The following ABR variants were observed in gnomAD, a reference collection of about 807,000 sequenced individuals.
ABR encodes active breakpoint cluster region-related protein.
ABR carries 35 observed loss-of-function variants against 107.2 expected under a neutral mutation model. That is an observed-to-expected ratio of 0.33 (90% CI 0.25 to 0.43). The LOEUF (loss-of-function observed/expected upper bound fraction) is 0.43. ABR is among the 20% of genes least tolerant of loss of function. The pLI, the probability that ABR is intolerant of heterozygous loss-of-function variation, is 1.00. For missense variants in ABR, 815 were observed against 1,115.2 expected, an observed-to-expected ratio of 0.73 and a Z score of 3.83; for synonymous variants, 498 against 462.0, an observed-to-expected ratio of 1.08 and a Z score of -1.00.
In ABR at chr17:1,150,107, C is replaced by T. The variant is rs995122246; in HGVS notation, c.62-24740G>A. On this transcript the variant is annotated intron_variant, in intron 1 of 22. Coordinates refer to ENST00000302538, the MANE Select transcript of ABR (RefSeq NM_021962.5). The surrounding 1 kb of genome is among the most constrained non-coding windows in gnomAD (Gnocchi z 4.8). ...CATAGTCCCGGCCTGGGAGAGACAC[C>T]GAGAGGAAGGCCAGCTTGCCCGGTG... 2.6e-5 allele frequency among the ~76,000 whole-genome samples: 4 copies of T among 151,880 alleles called. No homozygotes were observed. The highest frequency in any genetic ancestry group is 1.9e-4 in the East Asian group (1 of 5,170).
intron 16 of ABR, among the ~76,000 whole-genome samples, chr17:1,014,408 T>C (rs1231715268): frequency 1.4e-5 from 2 of 147,686 alleles, no homozygotes; most frequent in Non-Finnish European, 3.0e-5. Context: ...GCCACTGCAC[T>C]CCAGCCTGGG....
At position 1,010,871 on chromosome 17, in the gene ABR, G is replaced by A. The variant is rs1200505336; in HGVS notation, c.2102-8C>T. 5 of 1,613,194 alleles carry A rather than the reference G, an allele frequency of 3.1e-6. No individual in the cohort carries two copies. The highest frequency in any genetic ancestry group is 4.2e-6 in the Non-Finnish European group (5 of 1,179,978). ...GCAGGATGTCCTTGTTATCTGCAGG[G>A]GTGGGGCCGAGGTCAGGCAGCCTTA... On this transcript the variant is annotated splice_polypyrimidine_tract_variant and splice_region_variant and intron_variant, in intron 19 of 22. Coordinates refer to ENST00000302538, the MANE Select transcript of ABR (RefSeq NM_021962.5). The surrounding 1 kb of genome is among the most constrained non-coding windows in gnomAD (Gnocchi z 4.1).
chr17:1,142,054 G>A (rs1314614373), intron 1 of ABR, among the ~76,000 whole-genome samples: 2 of 151,542 alleles, frequency 1.3e-5, no homozygotes, highest in East Asian at 4.0e-4. Flanking sequence ...CACTGCGCCC[G>A]GCCAGTTCAT....
intron 4 of ABR, among the ~76,000 whole-genome samples, chr17:1,089,539 GA>G (rs2036876005): frequency 2.0e-5 from 3 of 152,198 alleles, no homozygotes; most frequent in Non-Finnish European, 4.4e-5. Flanking sequence ...TCTCAGGACA[GA>G]AATCTCAGGC....
chr17:1,067,985 T>G (rs2034893780), intron 9 of ABR, among the ~76,000 whole-genome samples: 1 of 152,016 alleles, frequency 6.6e-6, no homozygotes, highest in African/African-American at 2.4e-5. Flanking sequence ...CAGGCTGGAG[T>G]GCAATGGCGC....
intron 16 of ABR, chr17:1,031,915 CCTCCCT>C: frequency 1.2e-6 from 1 of 807,062 alleles, no homozygotes. Context: ...CCTCCTCCCT[CCTCCCT>C]CCTCCGCATC....
chr17:1,204,895 C>CTTTTTTTTTTTTTTTTTTTTTT lies in ABR; in HGVS notation c.838+23897_838+23898insAAAAAAAAAAAAAAAAAAAAAA, dbSNP rs1279205764. 5.7e-5 allele frequency among the ~76,000 whole-genome samples: 4 copies of CTTTTTTTTTTTTTTTTTTTTTT among 70,320 alleles called. 1 individual carries two copies. Among genetic ancestry groups the CTTTTTTTTTTTTTTTTTTTTTT allele is most frequent in the African/African-American group, 9.6e-5 (2 of 20,884 alleles). 46.1% of individuals were successfully genotyped at this position (70,320 alleles called of 152,430 possible). A position where few individuals can be genotyped will look rare whatever the true frequency, so the allele number is the denominator to read the frequency against. ...GAACCTCTTTTTTTCTTTTCTTTTT[C>CTTTTTTTTTTTTTTTTTTTTTT]TTTTTCTTTTTTTTTTTTTTTTTTT... On this transcript the variant is annotated intron_variant, in intron 1 of 22. Transcript: ENST00000574139.
rs967148295 is a variant in ABR, at chr17:1,210,661, T to C, written c.838+18132A>G. ...AAGCCAAAAATCACTTTGGGCTGTT[T>C]CCTCTCTCTCTGCTTCCTGGCTCCT... On this transcript the variant is annotated intron_variant, in intron 1 of 22. Transcript: ENST00000574139. This position sits in a 1 kb window ranked among gnomAD's most constrained non-coding sequence, Gnocchi z 5.6. Among the ~76,000 whole-genome samples the C allele has an allele frequency of 6.6e-6, 1 of 152,204 alleles. No homozygotes were observed. Among genetic ancestry groups the C allele is most frequent in the African/African-American group, 2.4e-5 (1 of 41,460 alleles).
intron 13 of ABR, 148 bp from the exon 14 acceptor site, chr17:1,056,257 G>A (rs937554294): frequency 1.7e-5 from 12 of 707,384 alleles, no homozygotes; most frequent in Non-Finnish European, 2.7e-5. Flanking sequence ...AAAAGTTTCC[G>A]AAGGCCACGG....
chr17:1,221,148 T>G (rs879291689), intron 1 of ABR, among the ~76,000 whole-genome samples: 3 of 152,212 alleles, frequency 2.0e-5, no homozygotes, highest in African/African-American at 4.8e-5. Flanking sequence ...GCAATATCAA[T>G]TCTTCTATTT....
At chr17:1,102,714 T>C (rs1421700178) in intron 2 of ABR, among the ~76,000 whole-genome samples, 1 of 152,212 alleles carries the variant, frequency 6.6e-6, no homozygotes, top group Non-Finnish European at 1.5e-5. Flanking sequence ...TATTTATTTA[T>C]GTATTTACTT....
In ABR at chr17:1,012,569, G is replaced by A. The variant is rs567385566; in HGVS notation, c.1961+119C>T. Reference sequence around the variant, plus strand: ...TCCACACCGGCCATCTGCCACCGCCGAGCGGGGGGTAACTGATTAGGTGCC... The same window carrying A: ...TCCACACCGGCCATCTGCCACCGCCAAGCGGGGGGTAACTGATTAGGTGCC... On this transcript the variant is annotated intron_variant, in intron 18 of 22. Coordinates refer to ENST00000302538, the MANE Select transcript of ABR (RefSeq NM_021962.5). 4.3e-5 allele frequency: 33 copies of A among 772,428 alleles called. 1 individual carries two copies. Among genetic ancestry groups the A allele is most frequent in the African/African-American group, 1.4e-4 (8 of 58,484 alleles). 47.8% of individuals were successfully genotyped at this position (772,428 alleles called of 1,614,324 possible).
intron 16 of ABR, among the ~76,000 whole-genome samples, chr17:1,024,577 G>T (rs1313037318): frequency 6.6e-6 from 1 of 152,154 alleles, no homozygotes; most frequent in Non-Finnish European, 1.5e-5. Context: ...ACTGAAGCCA[G>T]AAGTTCAACA....
At chr17:1,202,718 C>A (rs1265622450) in intron 1 of ABR, among the ~76,000 whole-genome samples, 1 of 152,034 alleles carries the variant, frequency 6.6e-6, no homozygotes, top group African/African-American at 2.4e-5. Flanking sequence ...ATGAAATAGG[C>A]CTAGGTTTAG....
At chr17:1,125,599 C>G in intron 1 of ABR, 1 of 373,526 alleles carries the variant, frequency 2.7e-6, no homozygotes, top group Non-Finnish European at 4.7e-6. Context: ...GGAGGAGCGG[C>G]TCTGCTGTTG....
At chr17:1,186,141 T>C (rs557731147) in intron 1 of ABR, among the ~76,000 whole-genome samples, 11 of 152,106 alleles carry the variant, frequency 7.2e-5, no homozygotes, top group African/African-American at 1.9e-4. Context: ...GCGGCCAGCA[T>C]TTACTATTCT....
At position 1,005,949 on chromosome 17, in the gene ABR, T is replaced by A; in HGVS notation, c.*131A>T. 1 of 876,782 alleles carries A rather than the reference T, an allele frequency of 1.1e-6. No homozygotes were observed. Among genetic ancestry groups the A allele is most frequent in the Non-Finnish European group, 1.8e-6 (1 of 553,306 alleles). The allele number at this position is 876,782 out of a possible 1,614,324, so 54.3% of individuals were successfully genotyped here. On this transcript the variant is annotated 3_prime_UTR_variant, in exon 23 of 23. Coordinates refer to ENST00000302538, the MANE Select transcript of ABR (RefSeq NM_021962.5). ...ACAAAAGACGTACGCATTCCAGTTCTTGGAAGCTGGCTTCCCTCGAGTCTG... is the reference window on the plus strand; with the variant it reads ...ACAAAAGACGTACGCATTCCAGTTCATGGAAGCTGGCTTCCCTCGAGTCTG...
rs1016226976 is a variant in ABR, at chr17:1,148,969, T to A, written c.62-23602A>T. Among the ~76,000 whole-genome samples the A allele has an allele frequency of 2.6e-5, 4 of 151,628 alleles. No homozygotes were observed. The highest frequency in any genetic ancestry group is 5.9e-5 in the Non-Finnish European group (4 of 67,954). On this transcript the variant is annotated intron_variant, in intron 1 of 22. Coordinates refer to ENST00000302538, the MANE Select transcript of ABR (RefSeq NM_021962.5). This position sits in a 1 kb window ranked among gnomAD's most constrained non-coding sequence, Gnocchi z 4.9. ...CAGGCTGGAGTGCAGTGGCGCCATC[T>A]CGGCTCACTGCAAGCTCCGCCTCCT...
At chr17:1,152,860 A>G (rs12938345) in intron 1 of ABR, among the ~76,000 whole-genome samples, 80,103 of 151,576 alleles carry the variant, frequency 0.53, 21,247 homozygotes, top group East Asian at 0.64. Context: ...TTGGGAGGCC[A>G]AGGTGGGTGG....
Sources: allele counts gnomAD v4.1 joint callset (sites outside exome capture counted in the v4.1 genomes callset), GRCh38; gene constraint gnomAD v4.1.1; non-coding constraint Gnocchi (gnomAD v3.1); transcripts MANE v1.5; gene names NCBI Gene and HGNC (gene_info 2026-07-23, HGNC 2026-07-21).